The following TENM4 variants were observed in gnomAD, a reference collection of about 807,000 sequenced individuals.
TENM4 encodes the protein teneurin transmembrane protein 4.
In TENM4, 82 loss-of-function variants were observed where a neutral mutation model predicts 243.3. That is an observed-to-expected ratio of 0.34 (90% CI 0.28 to 0.40). TENM4 has a LOEUF of 0.40. Ranked by LOEUF, TENM4 falls within the 10% of genes least tolerant of loss-of-function variation. The pLI, the probability that TENM4 is intolerant of heterozygous loss-of-function variation, is 1.00. For synonymous variants in TENM4, 1,412 were observed against 1,456.3 expected (o/e 0.97, Z 0.69); for missense variants, 3,138 against 3,673.3 (o/e 0.85, Z 3.77).
At chr11:79,058,245 G>A (rs1488730255) in intron 6 of TENM4, among the ~76,000 whole-genome samples, 1 of 152,136 alleles carries the variant, frequency 6.6e-6, no homozygotes, top group Non-Finnish European at 1.5e-5. Context: ...AGAACACGGT[G>A]GTCAAGAAGG....
At chr11:78,962,398 T>G (rs1039712180) in intron 6 of TENM4, among the ~76,000 whole-genome samples, 2 of 144,872 alleles carry the variant, frequency 1.4e-5, no homozygotes, top group Non-Finnish European at 3.0e-5. Context: ...ATAATGAAAA[T>G]TGATTTTGAG....
chr11:78,814,680 TGAGA>T (rs1857567678), intron 12 of TENM4, among the ~76,000 whole-genome samples: 1 of 152,214 alleles, frequency 6.6e-6, no homozygotes, highest in Non-Finnish European at 1.5e-5. Flanking sequence ...CTAAAAACAC[TGAGA>T]GAGAACAGTT....
chr11:79,112,378 T>C (rs1388192715), intron 4 of TENM4, among the ~76,000 whole-genome samples: 1 of 152,036 alleles, frequency 6.6e-6, no homozygotes, highest in Non-Finnish European at 1.5e-5. Context: ...GAGACCTGGT[T>C]GTAAGCCCTG....
chr11:79,114,037 C>A lies in TENM4; in HGVS notation c.-66+34673G>T, dbSNP rs868167513. On this transcript the variant is annotated intron_variant, in intron 4 of 33. Coordinates refer to ENST00000278550, the MANE Select transcript of TENM4 (RefSeq NM_001098816.3). ...ACGATCTCTCCACTCCCACTTCTAA[C>A]CCCTTAGTCCAGGACCTCCTCTGTT... is the stretch of plus-strand genomic sequence containing the variant. Among the ~76,000 whole-genome samples, 4 of 152,170 alleles carry A rather than the reference C, an allele frequency of 2.6e-5. No individual in the cohort carries two copies. In the South Asian group the frequency reaches 8.3e-4, roughly 32 times the overall value.
chr11:79,034,041 C>G (rs1278956204), intron 6 of TENM4, among the ~76,000 whole-genome samples: 1 of 152,146 alleles, frequency 6.6e-6, no homozygotes, highest in Non-Finnish European at 1.5e-5. Flanking sequence ...CTTTTAGGAG[C>G]TGATTCTCAG....
intron 12 of TENM4, among the ~76,000 whole-genome samples, chr11:78,833,015 C>T (rs559451249): frequency 2.6e-5 from 4 of 152,290 alleles, no homozygotes; most frequent in African/African-American, 4.8e-5. Context: ...TCCAAATGCA[C>T]GGTGCTAAGT....
chr11:79,423,647 C>T (rs945126870), intron 1 of TENM4, among the ~76,000 whole-genome samples: 8 of 145,622 alleles, frequency 5.5e-5, no homozygotes, highest in Non-Finnish European at 8.9e-5. Flanking sequence ...GAACAAGGGG[C>T]GAGTCTATGC....
chr11:78,699,236 C>T (rs952364379), intron 28 of TENM4, among the ~76,000 whole-genome samples: 6 of 152,158 alleles, frequency 3.9e-5, no homozygotes, highest in African/African-American at 1.4e-4. Context: ...AATTTTGAAC[C>T]TCATACTATT....
intron 12 of TENM4, among the ~76,000 whole-genome samples, chr11:78,841,925 C>A (rs1033611080): frequency 2.4e-4 from 37 of 152,114 alleles, no homozygotes; most frequent in African/African-American, 7.2e-4. Context: ...TCTTTGTAAT[C>A]ATCTTCCTAA....
intron 1 of TENM4, among the ~76,000 whole-genome samples, chr11:79,425,943 T>C (rs978533888): frequency 3.9e-5 from 6 of 152,220 alleles, no homozygotes; most frequent in African/African-American, 1.4e-4. Flanking sequence ...CTGTAAATTA[T>C]AGGTGTGTGC....
intron 3 of TENM4, among the ~76,000 whole-genome samples, chr11:79,164,036 A>AG (rs1394900790): frequency 5.7e-5 from 7 of 121,986 alleles, no homozygotes; most frequent in Non-Finnish European, 9.7e-5. Flanking sequence ...TATATAGTAT[A>AG]TATACACTAT....
chr11:79,249,688 A>C (rs185638073), intron 2 of TENM4, among the ~76,000 whole-genome samples: 24 of 152,358 alleles, frequency 1.6e-4, no homozygotes, highest in African/African-American at 4.3e-4. Context: ...TAAGCTGGTC[A>C]TTTAAAACCA....
rs570726572 is a variant in TENM4, at chr11:78,983,564, C to T, written c.494-80041G>A. On this transcript the variant is annotated intron_variant, in intron 6 of 33. Transcript: ENST00000278550. ...CTCTATGGGGGTTCTGATGAAAAAC[C>T]GACTGGCTTTTGCACAGTGTGGTAC... Among the ~76,000 whole-genome samples the T allele has an allele frequency of 5.3e-5, 8 of 152,280 alleles. No homozygotes were observed. The South Asian group carries it at 6.2e-4, about 12-fold the overall frequency.
intron 9 of TENM4, among the ~76,000 whole-genome samples, chr11:78,882,857 C>A (rs1301817370): frequency 6.6e-6 from 1 of 152,230 alleles, no homozygotes; most frequent in Non-Finnish European, 1.5e-5. Context: ...CCACTTCAAG[C>A]AAGGGTTCTG....
At chr11:79,216,003 C>A in intron 2 of TENM4, 94 bp from the exon 3 acceptor site, 1 of 289,540 alleles carries the variant, frequency 3.5e-6, no homozygotes, top group Non-Finnish European at 5.2e-6. Flanking sequence ...TCATTGCAAA[C>A]ACACACTATG....
intron 12 of TENM4, among the ~76,000 whole-genome samples, chr11:78,818,716 G>A (rs769401202): frequency 2.6e-5 from 4 of 152,136 alleles, no homozygotes; most frequent in Non-Finnish European, 4.4e-5. Flanking sequence ...ACTTTAATGC[G>A]TAAGTACTGT....
chr11:79,032,694 T>TGAG (rs1859278350), intron 6 of TENM4, among the ~76,000 whole-genome samples: 1 of 152,152 alleles, frequency 6.6e-6, no homozygotes, highest in South Asian at 2.1e-4. Context: ...GATAATTGCT[T>TGAG]GAAGATACTG....
intron 12 of TENM4, among the ~76,000 whole-genome samples, chr11:78,840,714 A>G (rs1363550825): frequency 6.6e-6 from 1 of 152,186 alleles, no homozygotes; most frequent in African/African-American, 2.4e-5. Flanking sequence ...CAGCATCCTC[A>G]GTCTGAACTG....
At position 78,742,885 on chromosome 11, in the gene TENM4, A is replaced by C. The variant is rs138706499; in HGVS notation, c.2757-4315T>G. Among the ~76,000 whole-genome samples the C allele has an allele frequency of 1.1e-3, 173 of 152,308 alleles. 2 individuals carry two copies. Among genetic ancestry groups the C allele is most frequent in the African/African-American group, 3.9e-3 (164 of 41,564 alleles). ...GAAAAGTTGTAGGGCTGTGGTGGCA[A>C]GAGCACTAGGCTGGGAGTCATAGTT... On this transcript the variant is annotated intron_variant, in intron 19 of 33. Coordinates refer to ENST00000278550, the MANE Select transcript of TENM4 (RefSeq NM_001098816.3).
Sources: gnomAD v4.1 joint callset for allele counts (sites outside exome capture counted in the v4.1 genomes callset) on GRCh38, gnomAD v4.1.1 for gene constraint, MANE v1.5 for transcripts, NCBI Gene and HGNC (gene_info 2026-07-23, HGNC 2026-07-21) for gene names.